The following BRINP3 variants were observed in gnomAD, a reference collection of about 807,000 sequenced individuals.
BRINP3 encodes BMP/retinoic acid inducible neural specific 3.
A neutral mutation model predicts 71.0 loss-of-function variants in BRINP3; 19 were observed. The observed-to-expected ratio is 0.27, with a 90% CI of 0.19 to 0.39. The LOEUF is 0.39. BRINP3 is among the 10% of genes least tolerant of loss of function. BRINP3 has a pLI of 1.00. For synonymous variants in BRINP3, 380 were observed against 337.7 expected, an observed-to-expected ratio of 1.13 and a Z score of -1.37; for missense variants, 959 against 940.8, an observed-to-expected ratio of 1.02 and a Z score of -0.25.
chr1:190,473,685 G>A (rs1677301006), intron 1 of BRINP3, among the ~76,000 whole-genome samples: 2 of 151,342 alleles, frequency 1.3e-5, no homozygotes, highest in South Asian at 4.1e-4. Context: ...AGAAAAATCT[G>A]ATAGTGGAAG....
chr1:190,209,887 T>A (rs1269730566), intron 6 of BRINP3, among the ~76,000 whole-genome samples: 1 of 152,132 alleles, frequency 6.6e-6, no homozygotes, highest in African/African-American at 2.4e-5. Context: ...AGTCCACTTG[T>A]ATGCTTTAGT....
At chr1:190,368,540 A>C (rs1175480460) in intron 2 of BRINP3, among the ~76,000 whole-genome samples, 1 of 152,142 alleles carries the variant, frequency 6.6e-6, no homozygotes, top group Non-Finnish European at 1.5e-5. Context: ...CTGGGCCTTA[A>C]AGCATGACAA....
chr1:190,445,601 A>C (rs1352281163), intron 2 of BRINP3, among the ~76,000 whole-genome samples: 1 of 151,522 alleles, frequency 6.6e-6, no homozygotes, highest in Non-Finnish European at 1.5e-5. Context: ...ACACACCCTC[A>C]AGAAAAATGT....
chr1:190,188,121 T>G (rs926156868), intron 6 of BRINP3, among the ~76,000 whole-genome samples: 2 of 152,128 alleles, frequency 1.3e-5, no homozygotes, highest in African/African-American at 2.4e-5. Flanking sequence ...TTCTTAAACA[T>G]TTTTGTACCT....
intron 2 of BRINP3, among the ~76,000 whole-genome samples, chr1:190,304,279 C>A (rs1664940487): frequency 1.3e-5 from 2 of 151,706 alleles, no homozygotes; most frequent in African/African-American, 4.8e-5. Context: ...AACATATAAA[C>A]ATATCCCTAG....
intron 6 of BRINP3, among the ~76,000 whole-genome samples, chr1:190,195,110 G>A (rs954238477): frequency 6.6e-6 from 1 of 151,808 alleles, no homozygotes; most frequent in Admixed American, 6.6e-5. Flanking sequence ...CATCACATAA[G>A]AGCATTAGAT....
chr1:190,411,362 A>G (rs1273986436), intron 2 of BRINP3, among the ~76,000 whole-genome samples: 2 of 152,280 alleles, frequency 1.3e-5, no homozygotes, highest in East Asian at 3.9e-4. Flanking sequence ...GGCAGAATAT[A>G]TTTATAACCT....
chr1:190,332,030 C>T (rs199599270), intron 2 of BRINP3, among the ~76,000 whole-genome samples: 1 of 151,920 alleles, frequency 6.6e-6, no homozygotes, highest in Admixed American at 6.6e-5. Context: ...CTATTTGAAT[C>T]TAATTTTTTG....
At chr1:190,347,121 G>T (rs772287618) in intron 2 of BRINP3, among the ~76,000 whole-genome samples, 2 of 151,934 alleles carry the variant, frequency 1.3e-5, no homozygotes, top group Admixed American at 6.6e-5. Flanking sequence ...TTTATCAAAG[G>T]CTTATAGACA....
chr1:190,318,902 G>A (rs987511680), intron 2 of BRINP3, among the ~76,000 whole-genome samples: 4 of 152,064 alleles, frequency 2.6e-5, no homozygotes, highest in African/African-American at 9.7e-5. Flanking sequence ...AAGCGCAGAT[G>A]TAGATCTATA....
At chr1:190,291,154 G>T (rs542624410) in intron 2 of BRINP3, among the ~76,000 whole-genome samples, 2 of 152,176 alleles carry the variant, frequency 1.3e-5, no homozygotes, top group Admixed American at 6.6e-5. Context: ...ACCTCTACAT[G>T]GTAGAAGGAC....
chr1:190,212,631 A>T (rs1656082457), intron 6 of BRINP3, among the ~76,000 whole-genome samples: 1 of 152,134 alleles, frequency 6.6e-6, no homozygotes, highest in African/African-American at 2.4e-5. Context: ...CCTCCAGGCA[A>T]TGTGAAGTGG....
In BRINP3 at chr1:190,336,836, CTCCT is replaced by C. The variant is rs35571580; in HGVS notation, c.237-55090_237-55087del. On this transcript the variant is annotated intron_variant, in intron 2 of 7. Coordinates refer to ENST00000367462, the MANE Select transcript of BRINP3 (RefSeq NM_199051.3). ...CTCCCTTCCCTCCTTCCCTCCCTCC[CTCCT>C]TCCTTCCTTCCTTCCCTCCTTCCTT... Among the ~76,000 whole-genome samples, 333 of 126,568 alleles carry C rather than the reference CTCCT, an allele frequency of 2.6e-3. 7 individuals carry two copies. Among genetic ancestry groups the C allele is most frequent in the South Asian group, 1.5e-3 (5 of 3,274 alleles). 83.0% of individuals were successfully genotyped at this position (126,568 alleles called of 152,430 possible).
chr1:190,203,300 T>G (rs983166815), intron 6 of BRINP3, among the ~76,000 whole-genome samples: 12 of 151,834 alleles, frequency 7.9e-5, no homozygotes, highest in Non-Finnish European at 1.6e-4. Context: ...ATGGATTGGG[T>G]TTTTAAAACA....
chr1:190,134,907 G>A (rs1654846156), intron 7 of BRINP3, among the ~76,000 whole-genome samples: 1 of 152,130 alleles, frequency 6.6e-6, no homozygotes, highest in East Asian at 1.9e-4. Context: ...GGAAAAGTCA[G>A]ATGAGAGGTG....
At chr1:190,182,690 G>C (rs1186148406) in intron 6 of BRINP3, among the ~76,000 whole-genome samples, 2 of 152,038 alleles carry the variant, frequency 1.3e-5, no homozygotes, top group African/African-American at 4.8e-5. Context: ...ATTCAAAATA[G>C]TCTACAGAGT....
chr1:190,477,271 T>C (rs2102735627), intron 1 of BRINP3, among the ~76,000 whole-genome samples, 177 bp downstream of exon 1: 1 of 152,292 alleles, frequency 6.6e-6, no homozygotes, highest in Non-Finnish European at 1.5e-5. Context: ...ATACATTACA[T>C]GGGTTATGTC....
chr1:190,109,726 T>G (rs1421913386), intron 7 of BRINP3, among the ~76,000 whole-genome samples: 1 of 152,246 alleles, frequency 6.6e-6, no homozygotes, highest in African/African-American at 2.4e-5. Flanking sequence ...TCATACTCTC[T>G]TCTGGAGTTG....
intron 2 of BRINP3, among the ~76,000 whole-genome samples, chr1:190,308,360 T>C (rs1443728348): frequency 1.3e-5 from 2 of 151,730 alleles, no homozygotes; most frequent in Non-Finnish European, 2.9e-5. Flanking sequence ...TGTGTAAGTA[T>C]TGTTGTTCTT....
Sources: allele counts gnomAD v4.1 joint callset (sites outside exome capture counted in the v4.1 genomes callset), GRCh38; gene constraint gnomAD v4.1.1; transcripts MANE v1.5; gene names NCBI Gene and HGNC (gene_info 2026-07-23, HGNC 2026-07-21).